DMD: variants seen among roughly 807,000 people sequenced by gnomAD.
The protein encoded by DMD is dystrophin.
DMD carries 63 observed loss-of-function variants against 330.1 expected under a neutral mutation model. The ratio of observed to expected loss-of-function variants is 0.19; its 90% confidence interval spans 0.16 to 0.24. The LOEUF (loss-of-function observed/expected upper bound fraction) is 0.24, where lower values mean the gene tolerates loss of function less well. Ranked by LOEUF, DMD falls within the 10% of genes least tolerant of loss-of-function variation. The pLI, the probability that DMD is intolerant of heterozygous loss-of-function variation, is 1.00. For synonymous variants in DMD, 1,223 were observed against 959.8 expected, an observed-to-expected ratio of 1.27 and a Z score of -5.07; for missense variants, 3,344 against 2,684.1, an observed-to-expected ratio of 1.25 and a Z score of -5.43.
chrX:32,686,135 C>T (rs1248851824), intron 9 of DMD, among the ~76,000 whole-genome samples: 1 of 111,505 alleles, frequency 9.0e-6, no homozygotes, highest in African/African-American at 3.3e-5. Flanking sequence ...ATTAACCAAG[C>T]ATTATTACAT....
At chrX:31,671,068 G>A (rs1322970622) in intron 53 of DMD, among the ~76,000 whole-genome samples, 6 of 110,972 alleles carry the variant, frequency 5.4e-5, no homozygotes, top group African/African-American at 2.0e-4. Context: ...GCCCGCCACC[G>A]TGCCCAGCTA....
chrX:32,300,729 A>G (rs2097519842), intron 42 of DMD, among the ~76,000 whole-genome samples: 1 of 111,160 alleles, frequency 9.0e-6, no homozygotes, highest in Admixed American at 9.6e-5. Flanking sequence ...ATGGCATTCT[A>G]TGATCCCAAA....
intron 55 of DMD, among the ~76,000 whole-genome samples, chrX:31,609,228 C>T (rs144703865): frequency 0.029 from 3,176 of 111,248 alleles, 110 homozygotes; most frequent in African/African-American, 0.094. Flanking sequence ...CAGACTGATG[C>T]AATGTCTAGT....
At chrX:32,331,962 C>T (rs973684321) in intron 41 of DMD, among the ~76,000 whole-genome samples, 1 of 111,251 alleles carries the variant, frequency 9.0e-6, no homozygotes, top group Non-Finnish European at 1.9e-5. Context: ...TTCTTACTAC[C>T]CTTGATGAAT....
intron 55 of DMD, among the ~76,000 whole-genome samples, chrX:31,547,080 C>T (rs1426051678): frequency 1.8e-5 from 2 of 112,092 alleles, no homozygotes; most frequent in Admixed American, 9.4e-5. Context: ...TTTTCCATCA[C>T]GTAACTGGAA....
intron 13 of DMD, among the ~76,000 whole-genome samples, chrX:32,593,691 G>A (rs776706800): frequency 4.5e-5 from 5 of 111,937 alleles, no homozygotes; most frequent in Non-Finnish European, 9.4e-5. Context: ...ACGAGTACTT[G>A]TTGAAAAAAA....
rs184181171 is a variant in DMD, at chrX:31,536,174, T to A, written c.8218-28721A>T. Reference sequence around the variant, plus strand: ...GTCACATGGCCTGAAATTAATGAGATAATTGAAAACTATCCTCCACTAGAA... The same window carrying A: ...GTCACATGGCCTGAAATTAATGAGAAAATTGAAAACTATCCTCCACTAGAA... On this transcript the variant is annotated intron_variant, in intron 55 of 78. Transcript: ENST00000357033. Among the ~76,000 whole-genome samples the A allele has an allele frequency of 2.9e-3, 324 of 111,572 alleles. 1 individual carries two copies. The highest frequency in any genetic ancestry group is 3.9e-3 in the Non-Finnish European group (206 of 53,087).
rs1475633656 is a variant in DMD, at chrX:31,261,326, C to T, written c.9225-310G>A. The T allele has an allele frequency of 3.7e-5, 10 of 268,605 alleles. No individual in the cohort carries two copies. The Admixed American group carries it at 4.3e-4, about 11-fold the overall frequency. The allele number at this position is 268,605 out of a possible 1,213,427, so 22.1% of individuals were successfully genotyped here. On this transcript the variant is annotated intron_variant, in intron 62 of 78. Coordinates refer to ENST00000357033, the MANE Select transcript of DMD (RefSeq NM_004006.3). ...TTGACCTTGTTATGTGATCAATAATCGACTATCAGGACTTCTTCACCCATC... is the reference window on the plus strand; with the variant it reads ...TTGACCTTGTTATGTGATCAATAATTGACTATCAGGACTTCTTCACCCATC...
At chrX:32,851,260 C>CA (rs71917620) in intron 2 of DMD, among the ~76,000 whole-genome samples, 130 of 111,491 alleles carry the variant, frequency 1.2e-3, no homozygotes, top group African/African-American at 3.9e-3. Flanking sequence ...CCGGGTACTT[C>CA]AAGCAGGGAA....
intron 55 of DMD, among the ~76,000 whole-genome samples, chrX:31,585,554 C>A (rs1488687500): frequency 9.4e-6 from 1 of 106,803 alleles, no homozygotes; most frequent in Non-Finnish European, 1.9e-5. Flanking sequence ...ACAAAGCTAA[C>A]CTCAGCTTTT....
At chrX:32,394,527 T>C (rs1335390846) in intron 30 of DMD, among the ~76,000 whole-genome samples, 1 of 112,104 alleles carries the variant, frequency 8.9e-6, no homozygotes, top group Non-Finnish European at 1.9e-5. Flanking sequence ...GATGTGACAG[T>C]ATATGTAAAA....
Position 31,853,449 on chromosome X carries a change from C to T in DMD, c.7099-16630G>A, listed in dbSNP as rs1001341899. ...TACAGTGTTGTTGGAAATAATCAGTCTAGAAATAAGAACATCTGGGTTCTA... is the reference window on the plus strand; with the variant it reads ...TACAGTGTTGTTGGAAATAATCAGTTTAGAAATAAGAACATCTGGGTTCTA... On this transcript the variant is annotated intron_variant, in intron 48 of 78. Coordinates refer to ENST00000357033, the MANE Select transcript of DMD (RefSeq NM_004006.3). 5.4e-5 allele frequency among the ~76,000 whole-genome samples: 6 copies of T among 111,880 alleles called. No individual in the cohort carries two copies. The South Asian group carries it at 2.3e-3, about 42-fold the overall frequency.
intron 60 of DMD, among the ~76,000 whole-genome samples, chrX:31,360,173 G>A (rs2058862949): frequency 9.0e-6 from 1 of 111,353 alleles, no homozygotes; most frequent in Non-Finnish European, 1.9e-5. Flanking sequence ...GTACTTGACT[G>A]TCAGGTTTAA....
chrX:33,316,166 TAAGAGTAC>T (rs1163913148), intron 1 of DMD, among the ~76,000 whole-genome samples: 2 of 110,815 alleles, frequency 1.8e-5, no homozygotes, highest in African/African-American at 6.6e-5. Flanking sequence ...AACTTTCATC[TAAGAGTAC>T]AAGAAGTAAT....
intron 27 of DMD, among the ~76,000 whole-genome samples, chrX:32,444,836 A>T (rs1280743126): frequency 5.4e-5 from 6 of 110,912 alleles, no homozygotes; most frequent in Non-Finnish European, 1.1e-4. Flanking sequence ...TTTTATTTAC[A>T]GGATCTAAAA....
chrX:31,601,709 T>C (rs1210791374), intron 55 of DMD, among the ~76,000 whole-genome samples: 2 of 111,492 alleles, frequency 1.8e-5, no homozygotes. Flanking sequence ...TAAATACTTT[T>C]AGGGTAAAAA....
intron 7 of DMD, among the ~76,000 whole-genome samples, chrX:32,723,603 TAC>T (rs757793343): frequency 1.8e-5 from 2 of 111,605 alleles, no homozygotes; most frequent in African/African-American, 3.3e-5. Flanking sequence ...GTATGATGAC[TAC>T]AGTTAATGGC....
chrX:31,610,749 TA>T (rs2077867812), intron 55 of DMD, among the ~76,000 whole-genome samples: 1 of 111,960 alleles, frequency 8.9e-6, no homozygotes, highest in South Asian at 3.7e-4. Context: ...TCTGATATTG[TA>T]ATTTGGTCAT....
chrX:31,384,337 A>G (rs1011094575), intron 60 of DMD, among the ~76,000 whole-genome samples: 1 of 109,745 alleles, frequency 9.1e-6, no homozygotes, highest in African/African-American at 3.3e-5. Context: ...TACTACTACT[A>G]CTACTACTAC....
Sources: allele counts gnomAD v4.1 joint callset (sites outside exome capture counted in the v4.1 genomes callset), GRCh38; gene constraint gnomAD v4.1.1; transcripts MANE v1.5; gene names NCBI Gene and HGNC (gene_info 2026-07-23, HGNC 2026-07-21).